The following UGT2B4 variants were observed in gnomAD, a reference collection of about 807,000 sequenced individuals.
UGT2B4 encodes UDP glucuronosyltransferase family 2 member B4.
Under a neutral mutation model 49.8 loss-of-function variants are expected in UGT2B4, and 49 were observed. That is an observed-to-expected ratio of 0.98 (90% confidence interval 0.78 to 1.25). UGT2B4 has a LOEUF of 1.25. Ranked by LOEUF, UGT2B4 falls within the 50% of genes most tolerant of loss-of-function variation. The probability of loss-of-function intolerance (pLI) is 0.00; values close to 1 mark genes in which losing one functional copy is unlikely to be tolerated. For synonymous variants in UGT2B4, 246 were observed against 217.7 expected (o/e 1.13, Z -1.14); for missense variants, 729 against 627.7 (o/e 1.16, Z -1.73).
chr4:69,493,796 C>A lies in UGT2B4; in HGVS notation c.767G>T (p.Trp256Leu). The A allele has an allele frequency of 3.1e-6, 5 of 1,606,588 alleles. No homozygotes were observed. The highest frequency in any genetic ancestry group is 4.2e-6 in the Non-Finnish European group (5 of 1,176,942). Residue 256 changes from tryptophan to leucine, a missense_variant, in exon 2 of 6, where the codon TGG becomes TTG. Physicochemically the swap from Trp to Leu is moderately conservative, Grantham distance 61 (BLOSUM62 -2). Transcript: ENST00000305107. ...LSETMAKADIWLIRNYWDFQF... is the reference protein window; with the variant it reads ...LSETMAKADILLIRNYWDFQF... ...AAAATCCCAGTAGTTTCGAATAAGCCATATGTCAGCTTTTGCCATTGTCTC... is the reference window on the plus strand; with the variant it reads ...AAAATCCCAGTAGTTTCGAATAAGCAATATGTCAGCTTTTGCCATTGTCTC...
intron 2 of UGT2B4, among the ~76,000 whole-genome samples, chr4:69,492,573 C>G (rs1277194137): frequency 6.6e-6 from 1 of 151,966 alleles, no homozygotes; most frequent in Admixed American, 6.6e-5. Context: ...AGAATATAAT[C>G]TTGAAATGCT....
chr4:69,507,537 A>C (rs548688703), intron 1 of UGT2B4, among the ~76,000 whole-genome samples: 76 of 152,240 alleles, frequency 5.0e-4, no homozygotes, highest in Middle Eastern at 6.8e-3. Flanking sequence ...AACCAACCAA[A>C]CAAACAAACA....
chr4:69,520,402 A>G (rs531831971), intron 1 of UGT2B4, among the ~76,000 whole-genome samples: 2 of 152,332 alleles, frequency 1.3e-5, no homozygotes, highest in African/African-American at 4.8e-5. Context: ...CAGGAGCCCC[A>G]TCCTTTTCTG....
At chr4:69,499,955 T>C (rs1177476610), upstream of UGT2B4, among the ~76,000 whole-genome samples, 1 of 152,212 alleles carries the variant, frequency 6.6e-6, no homozygotes, top group Non-Finnish European at 1.5e-5. Context: ...CATATGTTCA[T>C]TGCTGCACTA....
chr4:69,483,902 A>G (rs28361541), intron 5 of UGT2B4, among the ~76,000 whole-genome samples: 22,881 of 152,202 alleles, frequency 0.15, 1,957 homozygotes, highest in East Asian at 0.24. Flanking sequence ...TAAATTATAT[A>G]TCTCATATGG....
chr4:69,490,758 T>C (rs935116545), intron 2 of UGT2B4, among the ~76,000 whole-genome samples: 1 of 152,168 alleles, frequency 6.6e-6, no homozygotes, highest in Admixed American at 6.6e-5. Flanking sequence ...GTTAGAGTCA[T>C]TGTTCTGCTA....
chr4:69,505,633 C>T (rs1728447931), intron 1 of UGT2B4, among the ~76,000 whole-genome samples: 4 of 152,074 alleles, frequency 2.6e-5, no homozygotes, highest in Admixed American at 2.6e-4. Flanking sequence ...CTTTAATTCC[C>T]CCGTGGCAAT....
At chr4:69,493,141 T>C (rs1242107293) in intron 2 of UGT2B4, among the ~76,000 whole-genome samples, 1 of 152,062 alleles carries the variant, frequency 6.6e-6, no homozygotes, top group African/African-American at 2.4e-5. Context: ...TGCTTTTCTT[T>C]TTGTGTTTTT....
intron 2 of UGT2B4, 55 bp downstream of exon 2, chr4:69,493,638 T>C: frequency 6.4e-7 from 1 of 1,567,184 alleles, no homozygotes. Context: ...TGAATGAATA[T>C]AGAACCATTC....
chr4:69,518,058 A>T (rs1728771824), intron 1 of UGT2B4: 1 of 152,284 alleles, frequency 6.6e-6, no homozygotes, highest in South Asian at 2.1e-4. Flanking sequence ...CAGAAAAATT[A>T]TTCAGTTCTT....
At position 69,495,194 on chromosome 4, in the gene UGT2B4, CA is replaced by C. The variant is rs766577579; in HGVS notation, c.667del (p.Trp223GlyfsTer7). On this transcript the variant is annotated frameshift_variant, in exon 1 of 6. Coordinates refer to ENST00000305107, the MANE Select transcript of UGT2B4 (RefSeq NM_021139.3). LOFTEE classifies it high-confidence loss of function. The part of the protein sequence containing the change: ...NMIYVLYFEF[W>X]FQIFDMKKWD... ...CTTCTTCATGTCAAATATTTGGAAC[CA>C]AAATTCAAAATAAAGCACATAGATC... 6.3e-7 allele frequency: 1 copy of C among 1,588,394 alleles called. No individual in the cohort carries two copies. The highest frequency in any genetic ancestry group is 1.2e-5 in the South Asian group (1 of 85,916).
chr4:69,493,768 T>C lies in UGT2B4; in HGVS notation c.795A>G (p.Gln265=), dbSNP rs201258895. The C allele has an allele frequency of 8.2e-5, 133 of 1,612,222 alleles. 1 individual carries two copies. The highest frequency in any genetic ancestry group is 2.4e-4 in the South Asian group (22 of 90,728). The change falls in exon 2 of 6, where the codon CAA becomes CAG. Residue 265 remains glutamine (Q), a synonymous_variant. Transcript: ENST00000305107. ...CATTTGGTAAGAGTGGGTGAGGAAA[T>C]TGAAAATCCCAGTAGTTTCGAATAA... ...IWLIRNYWDF[Q]FPHPLLPNVE... is the part of the protein sequence containing the mutation.
At chr4:69,483,455 C>G (rs1472566392) in intron 5 of UGT2B4, among the ~76,000 whole-genome samples, 1 of 152,084 alleles carries the variant, frequency 6.6e-6, no homozygotes, top group Non-Finnish European at 1.5e-5. Context: ...TATGTCCTTA[C>G]TCATTATTTG....
chr4:69,500,669 G>GAAAGAAAGAAAGA (rs1194966473), upstream of UGT2B4, among the ~76,000 whole-genome samples: 5 of 107,054 alleles, frequency 4.7e-5, no homozygotes, highest in African/African-American at 1.4e-4. Flanking sequence ...AAGAAAGAAA[G>GAAAGAAAGAAAGA]GAAGGAAAGA....
intron 5 of UGT2B4, among the ~76,000 whole-genome samples, chr4:69,482,542 C>T (rs780906149): frequency 2.0e-5 from 3 of 152,122 alleles, no homozygotes; most frequent in Non-Finnish European, 4.4e-5. Context: ...ATTAACCTGA[C>T]TTCAAAGGTC....
chr4:69,514,935 A>G (rs1389535767), intron 1 of UGT2B4, among the ~76,000 whole-genome samples: 1 of 152,196 alleles, frequency 6.6e-6, no homozygotes, highest in African/African-American at 2.4e-5. Context: ...TAAAGACATT[A>G]CATAATGGGG....
chr4:69,486,580 T>A, intron 4 of UGT2B4, 29 bp downstream of exon 4: 1 of 1,429,326 alleles, frequency 7.0e-7, no homozygotes, highest in Non-Finnish European at 9.6e-7. Flanking sequence ...GTTACTAATA[T>A]ATTCAGTATT....
upstream of UGT2B4, among the ~76,000 whole-genome samples, chr4:69,500,606 G>GAAGAAAGAAAGAAAGA (rs61653936): frequency 0.012 from 1,168 of 99,320 alleles, 28 homozygotes; most frequent in African/African-American, 0.026. Context: ...AGAAAGCAAG[G>GAAGAAAGAAAGAAAGA]AAGAAAGAAA....
chr4:69,516,668 G>A (rs367581545), intron 1 of UGT2B4, among the ~76,000 whole-genome samples: 2 of 151,960 alleles, frequency 1.3e-5, no homozygotes, highest in Admixed American at 6.6e-5. Context: ...GTGCAGTGGT[G>A]TGATCTCGGC....
Sources: gnomAD v4.1 joint callset for allele counts (sites outside exome capture counted in the v4.1 genomes callset) on GRCh38, gnomAD v4.1.1 for gene constraint, MANE v1.5 for transcripts, NCBI Gene and HGNC (gene_info 2026-07-23, HGNC 2026-07-21) for gene names.